C1orf141: variants seen among roughly 807,000 people sequenced by gnomAD.
C1orf141 encodes uncharacterized protein C1orf141.
A neutral mutation model predicts 23.2 loss-of-function variants in C1orf141; 19 were observed. That is an observed-to-expected ratio of 0.82 (90% CI 0.57 to 1.20). The LOEUF is 1.20. Among genes scored for constraint, C1orf141 ranks in the 50% most tolerant of loss-of-function variants. The pLI is 0.00. For synonymous variants in C1orf141, 153 were observed against 154.6 expected (o/e 0.99, Z 0.08); for missense variants, 469 against 455.1 (o/e 1.03, Z -0.28).
At chr1:67,111,319 G>A (rs535968545) in intron 5 of C1orf141, among the ~76,000 whole-genome samples, 14 of 152,146 alleles carry the variant, frequency 9.2e-5, no homozygotes, top group African/African-American at 3.4e-4. Flanking sequence ...TGTCTTAACT[G>A]ACTTTATAAG....
At chr1:67,139,045 G>A (rs1486807264), upstream of C1orf141, 1 of 152,320 alleles carries the variant, frequency 6.6e-6, no homozygotes, top group Non-Finnish European at 1.5e-5. Context: ...TCCTAAGAGT[G>A]GAGTCAATCC....
chr1:67,096,248 T>C lies in C1orf141; in HGVS notation c.416+4A>G, dbSNP rs767293417. ...AAAGTATTAAGCATTTTAAAATAAA[T>C]TACCTTTTATTTCTATCACCTTCTA... On this transcript the variant is annotated splice_donor_region_variant and intron_variant, in intron 6 of 7. Transcript: ENST00000684719. The C allele has an allele frequency of 4.4e-6, 6 of 1,367,490 alleles. No homozygotes were observed. The South Asian group carries it at 5.1e-5, about 12-fold the overall frequency. The allele number at this position is 1,367,490 out of a possible 1,614,324, so 84.7% of individuals were successfully genotyped here.
chr1:67,096,228 A>G (rs1336181654), intron 6 of C1orf141, 24 bp downstream of exon 6: 3 of 1,093,998 alleles, frequency 2.7e-6, no homozygotes, highest in African/African-American at 3.2e-5. Context: ...AGAACAAAGT[A>G]TTAAGCATTT....
At chr1:67,138,268 G>A (rs972836087), upstream of C1orf141, among the ~76,000 whole-genome samples, 2 of 152,144 alleles carry the variant, frequency 1.3e-5, no homozygotes, top group South Asian at 2.1e-4. Flanking sequence ...ATCACTACCT[G>A]TTATCCCTTC....
Position 67,093,448 on chromosome 1 carries a change from G to T in C1orf141, c.760C>A (p.Leu254Ile). The part of the protein sequence containing the change: ...NFILERNCEI[L>I]KSIIGNQSIS... The stretch of plus-strand genomic sequence containing the variant: ...GATTGATTGCCAATTATAGATTTGA[G>T]GATTTCACAATTTCTTTCTAAAATG... The change falls in exon 8 of 8, where the codon CTC becomes ATC. Residue 254 changes from leucine (L) to isoleucine (I), a missense_variant. Transcript: ENST00000684719. The T allele has an allele frequency of 6.2e-7, 1 of 1,610,810 alleles. No individual in the cohort carries two copies. Among genetic ancestry groups the T allele is most frequent in the East Asian group, 2.2e-5 (1 of 44,818 alleles).
At position 67,093,124 on chromosome 1, in the gene C1orf141, A is replaced by T; in HGVS notation, c.1084T>A (p.Ser362Thr). Residue 362 changes from serine (S) to threonine (T), a missense_variant, in exon 8 of 8, where the codon TCC (serine) becomes ACC (threonine). By Grantham distance (58) the Ser-to-Thr change is moderately conservative (BLOSUM62 1). Coordinates refer to ENST00000684719, the MANE Select transcript of C1orf141 (RefSeq NM_001276351.2). ...TAACATTTGACAGGTAAGGCACTGG[A>T]TGTGGGTATGCTCGTTGGTTTTCCT... ...SAGKPTSIPT[S>T]SALPVKCYSK... The T allele has an allele frequency of 6.2e-7, 1 of 1,613,968 alleles. No homozygotes were observed. The highest frequency in any genetic ancestry group is 8.5e-7 in the Non-Finnish European group (1 of 1,179,880).
At chr1:67,138,628 A>G (rs1417045909), upstream of C1orf141, among the ~76,000 whole-genome samples, 1 of 152,122 alleles carries the variant, frequency 6.6e-6, no homozygotes, top group Non-Finnish European at 1.5e-5. Flanking sequence ...AACTTCTACC[A>G]TCTGAGCCCA....
chr1:67,093,691 A>G, intron 7 of C1orf141, 87 bp from the exon 8 acceptor site: 2 of 1,023,636 alleles, frequency 2.0e-6, no homozygotes, highest in Non-Finnish European at 2.7e-6. Context: ...ATAAAATTGT[A>G]AAATATTCTA....
Position 67,106,058 on chromosome 1 carries a change from A to T in C1orf141, c.346+9294T>A, listed in dbSNP as rs554760171. On this transcript the variant is annotated intron_variant, in intron 5 of 7. Coordinates refer to ENST00000684719, the MANE Select transcript of C1orf141 (RefSeq NM_001276351.2). ...CATGTTTAGAAACTCCTGCAAGCAG[A>T]CAGCTAAGGATAAAACAACTGAATT... Among the ~76,000 whole-genome samples the T allele has an allele frequency of 3.3e-5, 5 of 152,346 alleles. No individual in the cohort carries two copies. In the East Asian group the frequency reaches 7.7e-4, roughly 23 times the overall value.
rs1479900196 is a variant in C1orf141 at position 67,092,183 on chromosome 1, G to T, written c.*822C>A. 6.6e-6 allele frequency: 1 copy of T among 152,096 alleles called. No homozygotes were observed. Among genetic ancestry groups the T allele is most frequent in the East Asian group, 1.9e-4 (1 of 5,328 alleles). 9.4% of individuals were successfully genotyped at this position (152,096 alleles called of 1,614,324 possible). On this transcript the variant is annotated 3_prime_UTR_variant, in exon 8 of 8. Transcript: ENST00000684719. ...AGTAAGCTTTTGTTAGTTAATTTTG[G>T]AATTTATTACTTCCAAGATTATTTT...
At chr1:67,107,041 A>C (rs955465440) in intron 5 of C1orf141, among the ~76,000 whole-genome samples, 10 of 152,194 alleles carry the variant, frequency 6.6e-5, no homozygotes, top group Admixed American at 1.3e-4. Context: ...AAATTATAAT[A>C]CTGTCCTGTA....
rs144368826 is a variant in C1orf141 at position 67,092,828 on chromosome 1, T to C, written c.*177A>G. On this transcript the variant is annotated 3_prime_UTR_variant, in exon 8 of 8. Transcript: ENST00000684719. The stretch of plus-strand genomic sequence containing the variant: ...ATTTCCTAATTTTGTCCTACTATTT[T>C]CTAAAAATGTTGATTGTTCTTGAAC... 1.0e-4 allele frequency: 46 copies of C among 453,376 alleles called. No homozygotes were observed. The highest frequency in any genetic ancestry group is 8.7e-4 in the African/African-American group (43 of 49,676). 28.1% of individuals were successfully genotyped at this position (453,376 alleles called of 1,614,324 possible). A position where few individuals can be genotyped will look rare whatever the true frequency, so the allele number is the denominator to read the frequency against.
Position 67,115,412 on chromosome 1 carries a change from A to C in C1orf141, c.286T>G (p.Ser96Ala). 6.6e-7 allele frequency: 1 copy of C among 1,511,328 alleles called. No individual in the cohort carries two copies. The highest frequency in any genetic ancestry group is 9.1e-7 in the Non-Finnish European group (1 of 1,099,978). The allele number at this position is 1,511,328 out of a possible 1,614,324, so 93.6% of individuals were successfully genotyped here. Residue 96 changes from serine (S) to alanine (A), a missense_variant, in exon 5 of 8, where the codon TCA (serine) becomes GCA (alanine). Ser to Ala is a moderately conservative substitution (Grantham distance 99). Transcript: ENST00000684719. The stretch of plus-strand genomic sequence containing the variant: ...TGAATAAAGAATGGTCTTAAATTTG[A>C]CTTTTCAAAATTACTCTTTCTAGGT... ...PEPRKSNFEK[S>A]NLRPFFIQTN... is the part of the protein sequence containing the mutation.
intron 5 of C1orf141, among the ~76,000 whole-genome samples, chr1:67,100,538 A>G (rs370307025): frequency 6.6e-6 from 1 of 152,078 alleles, no homozygotes; most frequent in Non-Finnish European, 1.5e-5. Context: ...CAGCATATAG[A>G]GCAATTATTG....
intron 4 of C1orf141, among the ~76,000 whole-genome samples, chr1:67,117,489 C>T (rs997810643): frequency 3.3e-5 from 5 of 152,242 alleles, no homozygotes; most frequent in South Asian, 2.1e-4. Flanking sequence ...TTCTTATCAT[C>T]GTACTTTTTA....
intron 2 of C1orf141, among the ~76,000 whole-genome samples, chr1:67,130,227 A>T (rs1646492578): frequency 6.6e-6 from 1 of 152,190 alleles, no homozygotes; most frequent in Non-Finnish European, 1.5e-5. Flanking sequence ...TGAGTTCAAG[A>T]GGGGGAGAAG....
At chr1:67,128,493 C>G (rs913575587) in intron 2 of C1orf141, among the ~76,000 whole-genome samples, 1 of 151,992 alleles carries the variant, frequency 6.6e-6, no homozygotes, top group African/African-American at 2.4e-5. Context: ...CACTTGAGGT[C>G]AGGAGTTCAA....
intron 5 of C1orf141, among the ~76,000 whole-genome samples, chr1:67,100,649 A>G (rs1369374401): frequency 6.6e-6 from 1 of 152,126 alleles, no homozygotes; most frequent in African/African-American, 2.4e-5. Context: ...ATTTTTTCAT[A>G]GGTCCCATGA....
chr1:67,112,319 AT>A (rs1478939759), intron 5 of C1orf141, among the ~76,000 whole-genome samples: 1 of 152,208 alleles, frequency 6.6e-6, no homozygotes, highest in African/African-American at 2.4e-5. Flanking sequence ...GATCAACTAT[AT>A]GCCAGACACT....
Sources: allele counts gnomAD v4.1 joint callset (sites outside exome capture counted in the v4.1 genomes callset), GRCh38; gene constraint gnomAD v4.1.1; transcripts MANE v1.5; gene names NCBI Gene and HGNC (gene_info 2026-07-23, HGNC 2026-07-21).